EPHA4: variants seen among roughly 807,000 people sequenced by gnomAD.
EPHA4 encodes EPH receptor A4, also known as ephrin type-A receptor 4.
Under a neutral mutation model 108.3 loss-of-function variants are expected in EPHA4, and 19 were observed. That is an observed-to-expected ratio of 0.18 (90% CI 0.12 to 0.26). The LOEUF (loss-of-function observed/expected upper bound fraction) is 0.26, where lower values mean the gene tolerates loss of function less well. Among genes scored for constraint, EPHA4 ranks in the 10% least tolerant of loss-of-function variants. The probability of loss-of-function intolerance (pLI) is 1.00; values close to 1 mark genes in which losing one functional copy is unlikely to be tolerated. For missense variants in EPHA4, 917 were observed against 1,254.0 expected (o/e 0.73, Z 4.06); for synonymous variants, 449 against 455.5 (o/e 0.99, Z 0.18).
intron 4 of EPHA4, among the ~76,000 whole-genome samples, chr2:221,495,156 C>T (rs1033781255): frequency 1.3e-5 from 2 of 152,126 alleles, no homozygotes; most frequent in African/African-American, 4.8e-5. Flanking sequence ...AATAATTCCA[C>T]AGTGAGTGCA....
At chr2:221,566,851 A>G (rs202093060) in intron 2 of EPHA4, among the ~76,000 whole-genome samples, 586 of 45,482 alleles carry the variant, frequency 0.013, 41 homozygotes, top group East Asian at 0.022. Flanking sequence ...GGAGAAGGAG[A>G]AGGAGAAGAA....
At chr2:221,446,037 C>T in intron 9 of EPHA4, 86 bp downstream of exon 9, 1 of 730,166 alleles carries the variant, frequency 1.4e-6, no homozygotes, top group South Asian at 2.6e-5. Flanking sequence ...ACATTAATAG[C>T]CACGTAAATA....
intron 8 of EPHA4, among the ~76,000 whole-genome samples, chr2:221,454,731 G>A (rs2106116132): frequency 6.6e-6 from 1 of 152,250 alleles, no homozygotes; most frequent in African/African-American, 2.4e-5. Flanking sequence ...GTGAGTAAAT[G>A]GAGACAAAAA....
At position 221,418,528 on chromosome 2, in the gene EPHA4, T is replaced by G. The variant is rs536022667; in HGVS notation, c.*2844A>C. On this transcript the variant is annotated 3_prime_UTR_variant, in exon 18 of 18. Coordinates refer to ENST00000281821, the MANE Select transcript of EPHA4 (RefSeq NM_004438.5). ...ACGGGTGTACGGATTAATACACATA[T>G]CCTTCACAGATTGAATACAAGAGGT... 1 of 152,624 alleles carries G rather than the reference T, an allele frequency of 6.6e-6. No homozygotes were observed. Among genetic ancestry groups the G allele is most frequent in the Non-Finnish European group, 1.5e-5 (1 of 68,036 alleles). 9.5% of individuals were successfully genotyped at this position (152,624 alleles called of 1,614,324 possible).
chr2:221,549,072 C>T (rs371800845), intron 3 of EPHA4, among the ~76,000 whole-genome samples: 20 of 152,230 alleles, frequency 1.3e-4, no homozygotes, highest in African/African-American at 4.6e-4. Context: ...GCCAGTGGTG[C>T]TCCTTTTAAG....
rs1001868959 is a variant in EPHA4, at chr2:221,418,277, C to G, written c.*3095G>C. On this transcript the variant is annotated 3_prime_UTR_variant, in exon 18 of 18. Coordinates refer to ENST00000281821, the MANE Select transcript of EPHA4 (RefSeq NM_004438.5). ...GAACCGAACAATGTTCTGTTAATTT[C>G]TTATTCAGTATGAACTAAATTATAA... The G allele has an allele frequency of 2.0e-5, 3 of 152,590 alleles. No individual in the cohort carries two copies. Among genetic ancestry groups the G allele is most frequent in the African/African-American group, 7.2e-5 (3 of 41,440 alleles). The allele number at this position is 152,590 out of a possible 1,614,324, so 9.5% of individuals were successfully genotyped here.
intron 9 of EPHA4, among the ~76,000 whole-genome samples, chr2:221,444,500 A>G (rs1335015309): frequency 6.6e-6 from 1 of 152,170 alleles, no homozygotes; most frequent in African/African-American, 2.4e-5. Flanking sequence ...TCCTCATCCC[A>G]GCACCATTGG....
intron 4 of EPHA4, among the ~76,000 whole-genome samples, chr2:221,499,718 A>ATATATATG (rs1692414105): frequency 2.3e-5 from 1 of 43,322 alleles, no homozygotes; most frequent in Non-Finnish European, 3.9e-5. Flanking sequence ...TAAAACTAAT[A>ATATATATG]TATATATATA....
intron 3 of EPHA4, among the ~76,000 whole-genome samples, chr2:221,519,241 A>T (rs550491465): frequency 1.3e-5 from 2 of 152,222 alleles, no homozygotes; most frequent in Admixed American, 1.3e-4. Flanking sequence ...CTTTTTTTTT[A>T]AAGCAGGATA....
At chr2:221,561,544 T>G (rs1287438392) in intron 3 of EPHA4, among the ~76,000 whole-genome samples, 1 of 152,196 alleles carries the variant, frequency 6.6e-6, no homozygotes, top group Non-Finnish European at 1.5e-5. Flanking sequence ...ATATCTGGCC[T>G]CATGTTAGGA....
At chr2:221,503,124 C>T (rs1692527805) in intron 3 of EPHA4, among the ~76,000 whole-genome samples, 1 of 152,194 alleles carries the variant, frequency 6.6e-6, no homozygotes, top group Admixed American at 6.5e-5. Context: ...CCCACTGGGT[C>T]CCGCCTGTCA....
intron 12 of EPHA4, 81 bp downstream of exon 12, chr2:221,436,980 C>A (rs987259549): frequency 3.0e-5 from 31 of 1,044,988 alleles, no homozygotes; most frequent in African/African-American, 2.5e-4. Context: ...CGAATACCAC[C>A]GAACACAACA....
intron 8 of EPHA4, among the ~76,000 whole-genome samples, chr2:221,450,988 C>T (rs1040299375): frequency 6.6e-6 from 1 of 152,110 alleles, no homozygotes; most frequent in African/African-American, 2.4e-5. Flanking sequence ...CCGAGGTGGG[C>T]AGTTCACTTG....
chr2:221,449,710 G>T (rs1334351064), intron 8 of EPHA4, among the ~76,000 whole-genome samples: 4 of 152,168 alleles, frequency 2.6e-5, no homozygotes, highest in Non-Finnish European at 4.4e-5. Flanking sequence ...ACAAAATAGA[G>T]ACGGGGAGCA....
At chr2:221,523,054 C>T (rs1028144691) in intron 3 of EPHA4, among the ~76,000 whole-genome samples, 3 of 152,008 alleles carry the variant, frequency 2.0e-5, no homozygotes, top group African/African-American at 4.8e-5. Flanking sequence ...TGAGCCACCA[C>T]GCCCAGCCAA....
intron 5 of EPHA4, among the ~76,000 whole-genome samples, chr2:221,480,775 C>T (rs1691794748): frequency 6.6e-6 from 1 of 152,180 alleles, no homozygotes; most frequent in Admixed American, 6.5e-5. Flanking sequence ...CATTCTAGCC[C>T]CTGCTCAAAA....
At chr2:221,499,916 C>A (rs1347137596) in intron 4 of EPHA4, among the ~76,000 whole-genome samples, 2 of 151,018 alleles carry the variant, frequency 1.3e-5, no homozygotes, top group East Asian at 2.0e-4. Flanking sequence ...ACCCACCATG[C>A]CAGCTAATTT....
chr2:221,460,321 G>C lies in EPHA4; in HGVS notation c.1319-2331C>G, dbSNP rs147954270. Among the ~76,000 whole-genome samples, 228 of 152,324 alleles carry C rather than the reference G, an allele frequency of 1.5e-3. 1 individual carries two copies. Among genetic ancestry groups the C allele is most frequent in the Non-Finnish European group, 2.8e-3 (189 of 68,032 alleles). On this transcript the variant is annotated intron_variant, in intron 5 of 17. Transcript: ENST00000281821. ...AAAATAGAATGCTAGGCTGAGGACA[G>C]TCAGAAAACTGCTGAGTTGACATTT...
intron 11 of EPHA4, among the ~76,000 whole-genome samples, chr2:221,441,395 T>C (rs1223700033): frequency 6.6e-6 from 1 of 151,870 alleles, no homozygotes; most frequent in Non-Finnish European, 1.5e-5. Context: ...CCGTGGGCAT[T>C]ACCTTAGGAA....
Sources: gnomAD v4.1 joint callset for allele counts (sites outside exome capture counted in the v4.1 genomes callset) on GRCh38, gnomAD v4.1.1 for gene constraint, MANE v1.5 for transcripts, NCBI Gene and HGNC (gene_info 2026-07-23, HGNC 2026-07-21) for gene names.